Variants in SMAD5 observed in about 807,000 individuals in gnomAD.
SMAD5 encodes the protein MAD, mothers against decapentaplegic homolog 5.
In SMAD5, 9 loss-of-function variants were observed where a neutral mutation model predicts 43.1. The ratio of observed to expected loss-of-function variants is 0.21; its 90% CI spans 0.13 to 0.36. SMAD5 has a LOEUF of 0.36. Ranked by LOEUF, SMAD5 falls within the 10% of genes least tolerant of loss-of-function variation. SMAD5 has a pLI of 1.00. For synonymous variants in SMAD5, 190 were observed against 192.4 expected (o/e 0.99, Z 0.10); for missense variants, 348 against 574.0 (o/e 0.61, Z 4.02).
chr5:136,139,849 C>T (rs1027444668), intron 1 of SMAD5, among the ~76,000 whole-genome samples: 1 of 152,080 alleles, frequency 6.6e-6, no homozygotes, highest in East Asian at 1.9e-4. Context: ...GCATGTGCCA[C>T]TGCACCTGGC....
chr5:136,154,852 A>G (rs1460622350), intron 3 of SMAD5, among the ~76,000 whole-genome samples: 1 of 152,124 alleles, frequency 6.6e-6, no homozygotes, highest in Admixed American at 6.6e-5. Flanking sequence ...TGCATTTGAT[A>G]CAGTTGATCT....
Position 136,181,327 on chromosome 5 carries a change from T to G in SMAD5, c.*3847T>G, listed in dbSNP as rs906818875. ...AAGAATGTCAGATCCCTTCTTTGTC[T>G]TACTAGTTAAATCCTCACCTAATCT... On this transcript the variant is annotated 3_prime_UTR_variant, in exon 8 of 8. Transcript: ENST00000545279. 1 of 152,186 alleles carries G rather than the reference T, an allele frequency of 6.6e-6. No individual in the cohort carries two copies. The highest frequency in any genetic ancestry group is 1.5e-5 in the Non-Finnish European group (1 of 67,996). The allele number at this position is 152,186 out of a possible 1,614,324, so 9.4% of individuals were successfully genotyped here. A position where few individuals can be genotyped will look rare whatever the true frequency, so the allele number is the denominator to read the frequency against.
intron 7 of SMAD5, among the ~76,000 whole-genome samples, chr5:136,175,504 T>C (rs1754382892): frequency 6.6e-6 from 1 of 152,178 alleles, no homozygotes; most frequent in African/African-American, 2.4e-5. Context: ...CAAAGGAACT[T>C]TTCAAGTTTT....
At chr5:136,155,695 A>G (rs1753611491) in intron 3 of SMAD5, among the ~76,000 whole-genome samples, 1 of 152,162 alleles carries the variant, frequency 6.6e-6, no homozygotes, top group Non-Finnish European at 1.5e-5. Context: ...GGATCTTTCC[A>G]TGGCACATTT....
intron 4 of SMAD5, among the ~76,000 whole-genome samples, chr5:136,163,029 TC>T (rs1030138306): frequency 6.6e-6 from 1 of 152,230 alleles, no homozygotes; most frequent in Non-Finnish European, 1.5e-5. Flanking sequence ...TTAGGACTGA[TC>T]CTTGTATCCT....
intron 2 of SMAD5, among the ~76,000 whole-genome samples, chr5:136,149,287 A>G (rs990741298): frequency 6.6e-6 from 1 of 151,956 alleles, no homozygotes; most frequent in Non-Finnish European, 1.5e-5. Flanking sequence ...TGTTAGGAAC[A>G]TGTACTTGTT....
intron 5 of SMAD5, among the ~76,000 whole-genome samples, chr5:136,170,526 C>T (rs1054511162): frequency 5.9e-5 from 9 of 152,134 alleles, no homozygotes; most frequent in African/African-American, 2.2e-4. Context: ...AGTCCTCCGA[C>T]TTCATTCTTC....
chr5:136,160,879 C>T lies in SMAD5; in HGVS notation c.427C>T (p.Arg143Cys), dbSNP rs1484200210. 1 of 1,613,788 alleles carries T rather than the reference C, an allele frequency of 6.2e-7. No individual in the cohort carries two copies. Among genetic ancestry groups the T allele is most frequent in the Non-Finnish European group, 8.5e-7 (1 of 1,179,818 alleles). ...AGTCTTACCTCCAGTATTAGTGCCT[C>T]GTCATAATGAATTCAATCCACAACA... ...SPVLPPVLVP[R>C]HNEFNPQHSL... Residue 143 changes from arginine to cysteine, a missense_variant, in exon 4 of 8, where the codon CGT becomes TGT. Coordinates refer to ENST00000545279, the MANE Select transcript of SMAD5 (RefSeq NM_005903.7).
At chr5:136,151,147 G>T (rs1038565488) in intron 2 of SMAD5, among the ~76,000 whole-genome samples, 1 of 151,820 alleles carries the variant, frequency 6.6e-6, no homozygotes, top group African/African-American at 2.4e-5. Flanking sequence ...TTGATAAATG[G>T]ACACTATTCT....
intron 1 of SMAD5, chr5:136,134,972 G>A (rs1265845284): frequency 6.6e-6 from 1 of 152,180 alleles, no homozygotes; most frequent in African/African-American, 2.4e-5. Context: ...ACATGATATG[G>A]TCTAGTTAAA....
At position 136,177,745 on chromosome 5, in the gene SMAD5, G is replaced by A. The variant is rs980158599; in HGVS notation, c.*265G>A. 6.0e-6 allele frequency: 2 copies of A among 331,694 alleles called. No homozygotes were observed. The highest frequency in any genetic ancestry group is 5.4e-6 in the Non-Finnish European group (1 of 183,616). The allele number at this position is 331,694 out of a possible 1,614,324, so 20.5% of individuals were successfully genotyped here. A position where few individuals can be genotyped will look rare whatever the true frequency, so the allele number is the denominator to read the frequency against. ...AGAAATTTGGCATTGATCTTAAACT[G>A]GAACATGCTTTTACTTTATTGCCCT... is the stretch of plus-strand genomic sequence containing the variant. On this transcript the variant is annotated 3_prime_UTR_variant, in exon 8 of 8. Coordinates refer to ENST00000545279, the MANE Select transcript of SMAD5 (RefSeq NM_005903.7).
intron 3 of SMAD5, 99 bp from the exon 4 acceptor site, chr5:136,160,757 T>G (rs2149773011): frequency 8.5e-7 from 1 of 1,171,256 alleles, no homozygotes; most frequent in South Asian, 1.4e-5. Context: ...TTTTAATAGG[T>G]TTACAGTCTT....
At chr5:136,156,897 G>T (rs553625629) in intron 3 of SMAD5, among the ~76,000 whole-genome samples, 1 of 152,038 alleles carries the variant, frequency 6.6e-6, no homozygotes, top group African/African-American at 2.4e-5. Context: ...CTCATGTTTC[G>T]CCCTGAGCCC....
chr5:136,173,557 C>G (rs1429961903), intron 6 of SMAD5, among the ~76,000 whole-genome samples: 1 of 151,968 alleles, frequency 6.6e-6, no homozygotes. Flanking sequence ...AGTGAAGTGC[C>G]TCACTTCTAG....
intron 5 of SMAD5, among the ~76,000 whole-genome samples, chr5:136,165,662 A>ATTTTTTTTTTTTTTTTTTTTTTTTTT (rs58156387): frequency 3.1e-5 from 2 of 65,456 alleles, no homozygotes; most frequent in Non-Finnish European, 3.0e-5. Flanking sequence ...GAATCATACA[A>ATTTTTTTTTTTTTTTTTTTTTTTTTT]TTTTTTTTTT....
intron 5 of SMAD5, among the ~76,000 whole-genome samples, chr5:136,171,573 T>C (rs1480804289): frequency 6.6e-6 from 1 of 152,188 alleles, no homozygotes; most frequent in Non-Finnish European, 1.5e-5. Flanking sequence ...CACTCCCTTA[T>C]TTTTTGTTTT....
chr5:136,171,744 G>C (rs1754227972), intron 5 of SMAD5, among the ~76,000 whole-genome samples: 1 of 152,140 alleles, frequency 6.6e-6, no homozygotes, highest in Admixed American at 6.5e-5. Context: ...CATTAGAGTT[G>C]ATGTGGAAAT....
chr5:136,142,338 T>TAA (rs1217609053), intron 1 of SMAD5, among the ~76,000 whole-genome samples: 1 of 152,166 alleles, frequency 6.6e-6, no homozygotes, highest in Non-Finnish European at 1.5e-5. Context: ...GGTGTGTGTG[T>TAA]GTTTTGTAAT....
intron 7 of SMAD5, among the ~76,000 whole-genome samples, chr5:136,175,794 G>C (rs907007835): frequency 6.6e-6 from 1 of 152,044 alleles, no homozygotes; most frequent in African/African-American, 2.4e-5. Context: ...TACCCTGAAG[G>C]TATTTCTGCC....
Sources: gnomAD v4.1 joint callset for allele counts (sites outside exome capture counted in the v4.1 genomes callset) on GRCh38, gnomAD v4.1.1 for gene constraint, MANE v1.5 for transcripts, NCBI Gene and HGNC (gene_info 2026-07-23, HGNC 2026-07-21) for gene names.